Variants in ATRX observed in about 807,000 individuals in gnomAD.
The protein encoded by ATRX is ATRX chromatin remodeler.
Under a neutral mutation model 172.6 loss-of-function variants are expected in ATRX, and 12 were observed. That is an observed-to-expected ratio of 0.07 (90% confidence interval 0.04 to 0.11). The LOEUF is 0.11. Among genes scored for constraint, ATRX ranks in the 10% least tolerant of loss-of-function variants. The pLI, the probability that ATRX is intolerant of heterozygous loss-of-function variation, is 1.00. For missense variants in ATRX, 1,368 were observed against 1,767.4 expected (o/e 0.77, Z 4.05); for synonymous variants, 674 against 594.7 (o/e 1.13, Z -1.94).
intron 22 of ATRX, among the ~76,000 whole-genome samples, chrX:77,614,903 G>T (rs1364323775): frequency 9.0e-6 from 1 of 111,472 alleles, no homozygotes; most frequent in African/African-American, 3.3e-5. Context: ...CCAGATTCGG[G>T]TATCTATCAT....
At chrX:77,722,528 A>T (rs782689230) in intron 1 of ATRX, among the ~76,000 whole-genome samples, 15 of 111,895 alleles carry the variant, frequency 1.3e-4, no homozygotes, top group Non-Finnish European at 2.6e-4. Context: ...AAAGTGGGCA[A>T]AGGATATGAA....
At position 77,508,481 on chromosome X, in the gene ATRX, T is replaced by C. The variant is rs782771681; in HGVS notation, c.7349A>G (p.Asn2450Ser). 4 of 1,211,508 alleles carry C rather than the reference T, an allele frequency of 3.3e-6. No individual in the cohort carries two copies. Among genetic ancestry groups the C allele is most frequent in the Non-Finnish European group, 4.5e-6 (4 of 895,495 alleles). ...KPPNLIMNPS[N>S]YQQIDMRGMY... ...TCCTCTCATATCAATCTGCTGGTAGTTAGAAGGATTCATGATCAAATTTGG... is the reference window on the plus strand; with the variant it reads ...TCCTCTCATATCAATCTGCTGGTAGCTAGAAGGATTCATGATCAAATTTGG... The change falls in exon 35 of 35, where the codon AAC becomes AGC. Residue 2450 changes from asparagine to serine, a missense_variant. Physicochemically the swap from Asn to Ser is conservative, Grantham distance 46 (BLOSUM62 1). Coordinates refer to ENST00000373344, the MANE Select transcript of ATRX (RefSeq NM_000489.6).
At chrX:77,547,729 T>C (rs1185876533) in intron 30 of ATRX, among the ~76,000 whole-genome samples, 5 of 111,776 alleles carry the variant, frequency 4.5e-5, no homozygotes, top group Admixed American at 9.6e-5. Context: ...CAATATCTAA[T>C]ATATTCCTTC....
At chrX:77,782,102 C>T (rs2076589107) in intron 1 of ATRX, among the ~76,000 whole-genome samples, 1 of 111,992 alleles carries the variant, frequency 8.9e-6, no homozygotes, top group Admixed American at 9.5e-5. Flanking sequence ...CTTTTCACCC[C>T]AACCCATTAC....
chrX:77,581,572 T>C (rs112350147), intron 27 of ATRX, among the ~76,000 whole-genome samples: 57,195 of 110,582 alleles, frequency 0.52, 12,913 homozygotes, highest in Non-Finnish European at 0.69. Flanking sequence ...AAAGCAAATA[T>C]TGTTACAGCC....
intron 19 of ATRX, among the ~76,000 whole-genome samples, chrX:77,628,754 T>C (rs1408529157): frequency 9.0e-6 from 1 of 111,554 alleles, no homozygotes; most frequent in East Asian, 2.8e-4. Context: ...ACTACAGGTG[T>C]GTGCCACCAC....
chrX:77,671,170 AT>A (rs1557130098), intron 10 of ATRX, among the ~76,000 whole-genome samples: 39 of 50,484 alleles, frequency 7.7e-4, no homozygotes, highest in African/African-American at 7.5e-4. Context: ...AAAAAAAAAT[AT>A]ATATATATAT....
intron 30 of ATRX, among the ~76,000 whole-genome samples, chrX:77,542,191 A>G (rs1557051184): frequency 8.9e-6 from 1 of 111,801 alleles, no homozygotes; most frequent in Non-Finnish European, 1.9e-5. Context: ...CATAGAGCCA[A>G]ATCATGAGTG....
chrX:77,663,327 A>C (rs781816966), intron 12 of ATRX, 55 bp downstream of exon 12: 52 of 1,184,988 alleles, frequency 4.4e-5, no homozygotes, highest in Non-Finnish European at 6.0e-5. Context: ...GATTACAGGC[A>C]TAAGCCACTG....
At chrX:77,714,413 T>C (rs1603264889) in intron 2 of ATRX, among the ~76,000 whole-genome samples, 1 of 111,868 alleles carries the variant, frequency 8.9e-6, no homozygotes, top group East Asian at 2.8e-4. Flanking sequence ...TTGTGGTCAT[T>C]TGCAAAAGAA....
At chrX:77,669,097 C>CA (rs782039442) in intron 10 of ATRX, among the ~76,000 whole-genome samples, 41 of 111,701 alleles carry the variant, frequency 3.7e-4, no homozygotes, top group African/African-American at 1.3e-3. Context: ...GGACAAACCT[C>CA]AGAGTACAGC....
At chrX:77,627,768 G>C (rs1171929446) in intron 19 of ATRX, among the ~76,000 whole-genome samples, 2 of 109,370 alleles carry the variant, frequency 1.8e-5, no homozygotes, top group African/African-American at 6.7e-5. Context: ...TCAGAAGGCT[G>C]AACTGGGAGG....
Position 77,521,486 on chromosome X carries a change from G to C in ATRX, c.6988C>G (p.Gln2330Glu), listed in dbSNP as rs782762965. 1 of 1,197,289 alleles carries C rather than the reference G, an allele frequency of 8.4e-7. No homozygotes were observed. Among genetic ancestry groups the C allele is most frequent in the East Asian group, 3.0e-5 (1 of 33,728 alleles). Residue 2330 changes from glutamine (Q) to glutamate (E), a missense_variant, in exon 33 of 35, where the codon CAA (glutamine) becomes GAA (glutamate). Gln to Glu is a conservative substitution (Grantham distance 29, BLOSUM62 2). This residue lies in a region of ATRX where 100 missense variants were observed against 153.9 expected (regional missense o/e 0.65). Transcript: ENST00000373344. ...SNQQLEDLIN[Q>E]GREKVVEATN... ...GCTTCTACAACTTTTTCTCTTCCTT[G>C]ATTAATGAGGTCCTAGAAGAATGCA... is the stretch of plus-strand genomic sequence containing the variant.
intron 1 of ATRX, among the ~76,000 whole-genome samples, chrX:77,751,469 C>T (rs370774030): frequency 7.3e-4 from 82 of 112,059 alleles, no homozygotes; most frequent in African/African-American, 1.5e-3. Context: ...ATTCTGTAGG[C>T]TGCCTGTTCA....
intron 13 of ATRX, among the ~76,000 whole-genome samples, chrX:77,655,399 A>T (rs1168002553): frequency 1.8e-5 from 2 of 111,300 alleles, no homozygotes; most frequent in Admixed American, 9.6e-5. Flanking sequence ...AACATGGATG[A>T]ACCATGAAAA....
At chrX:77,668,347 T>C (rs2070369778) in intron 10 of ATRX, among the ~76,000 whole-genome samples, 1 of 111,627 alleles carries the variant, frequency 9.0e-6, no homozygotes, top group Admixed American at 9.5e-5. Flanking sequence ...GCTGGACCCA[T>C]GCTGGATCAT....
intron 22 of ATRX, among the ~76,000 whole-genome samples, chrX:77,608,434 C>T (rs1313681733): frequency 1.8e-5 from 2 of 108,764 alleles, no homozygotes; most frequent in African/African-American, 6.7e-5. Flanking sequence ...AACAAGTTCA[C>T]ACACCTACAG....
intron 30 of ATRX, among the ~76,000 whole-genome samples, chrX:77,540,821 G>A: frequency 8.9e-6 from 1 of 111,905 alleles, no homozygotes; most frequent in Admixed American, 9.5e-5. Flanking sequence ...AAAGCAGCCT[G>A]TAGAGGGAAA....
At chrX:77,679,349 C>T (rs782672482) in intron 9 of ATRX, among the ~76,000 whole-genome samples, 22 of 111,180 alleles carry the variant, frequency 2.0e-4, no homozygotes, top group Non-Finnish European at 3.8e-4. Context: ...GCTGAAGTGA[C>T]GAATTCTCAA....
Sources: allele counts gnomAD v4.1 joint callset (sites outside exome capture counted in the v4.1 genomes callset), GRCh38; gene constraint gnomAD v4.1.1; regional missense constraint gnomAD v4.1.1; transcripts MANE v1.5; gene names NCBI Gene and HGNC (gene_info 2026-07-23, HGNC 2026-07-21).